Variants in PIK3CD observed in about 807,000 individuals in gnomAD.
PIK3CD encodes the protein phosphatidylinositol 4,5-bisphosphate 3-kinase catalytic subunit delta isoform.
In PIK3CD, 20 loss-of-function variants were observed where a neutral mutation model predicts 122.9. That is an observed-to-expected ratio of 0.16 (90% CI 0.11 to 0.24). PIK3CD has a LOEUF of 0.24. PIK3CD is among the 10% of genes least tolerant of loss of function. PIK3CD has a pLI of 1.00. For missense variants in PIK3CD, 787 were observed against 1,406.3 expected, an observed-to-expected ratio of 0.56 and a Z score of 7.04; for synonymous variants, 596 against 593.4, an observed-to-expected ratio of 1.00 and a Z score of -0.06.
chr1:9,716,163 G>GC, intron 5 of PIK3CD, 85 bp downstream of exon 5: 2 of 1,154,038 alleles, frequency 1.7e-6, no homozygotes, highest in East Asian at 2.5e-5. Context: ...TCATCCGCAA[G>GC]CCCCCCTCCC....
Position 9,724,844 on chromosome 1 carries a change from C to T in PIK3CD, c.2905C>T (p.Arg969Cys), listed in dbSNP as rs551657853. ...TGAAAGGGCCTACACCATCCTGCGG[C>T]GCCACGGGCTTCTCTTCCTCCACCT... ...YCERAYTILRRHGLLFLHLFA... is the reference protein window; with the variant it reads ...YCERAYTILRCHGLLFLHLFA... Residue 969 changes from arginine to cysteine, a missense_variant, in exon 23 of 24, where the codon CGC (arginine) becomes TGC (cysteine). By Grantham distance (180) the Arg-to-Cys change is radical (BLOSUM62 -3). Coordinates refer to ENST00000377346, the MANE Select transcript of PIK3CD (RefSeq NM_005026.5). This position sits in a 1 kb window ranked among gnomAD's most constrained non-coding sequence, Gnocchi z 7.3. 2.0e-5 allele frequency: 32 copies of T among 1,613,882 alleles called. No homozygotes were observed. The highest frequency in any genetic ancestry group is 3.3e-5 in the Admixed American group (2 of 60,028).
chr1:9,634,541 T>C, the PIK3CD span, among the ~76,000 whole-genome samples: 3 of 151,756 alleles, frequency 2.0e-5, no homozygotes, highest in Non-Finnish European at 4.4e-5. Context: ...TCAAGTGATC[T>C]GCCCGCCTTG....
chr1:9,724,182 A>C lies in PIK3CD; in HGVS notation c.2718+90A>C. On this transcript the variant is annotated intron_variant, in intron 21 of 23. Transcript: ENST00000377346. The surrounding 1 kb of genome is among the most constrained non-coding windows in gnomAD (Gnocchi z 7.3). Reference sequence around the variant, plus strand: ...TCTGCCTAGCACACAGCTCTGTGGCAGGGGTCCCCCAGCCCTGCTGGCTTC... The same window carrying C: ...TCTGCCTAGCACACAGCTCTGTGGCCGGGGTCCCCCAGCCCTGCTGGCTTC... 1 of 1,613,082 alleles carries C rather than the reference A, an allele frequency of 6.2e-7. No individual in the cohort carries two copies. Among genetic ancestry groups the C allele is most frequent in the East Asian group, 2.2e-5 (1 of 44,842 alleles).
chr1:9,646,599 G>A, the PIK3CD span, among the ~76,000 whole-genome samples: 1 of 152,294 alleles, frequency 6.6e-6, no homozygotes, highest in Non-Finnish European at 1.5e-5. Context: ...TGGTGTCTCC[G>A]AGCTGATAAG....
chr1:9,726,823 G>C, intron 23 of PIK3CD, 86 bp from the exon 24 acceptor site: 2 of 1,536,436 alleles, frequency 1.3e-6, no homozygotes, highest in South Asian at 1.1e-5. Flanking sequence ...ATTTCATTCA[G>C]TGACTCTGAA....
Position 9,718,680 on chromosome 1 carries a change from G to C in PIK3CD, c.1021-14G>C. The C allele has an allele frequency of 1.3e-6, 2 of 1,599,838 alleles. No homozygotes were observed. The highest frequency in any genetic ancestry group is 1.7e-6 in the Non-Finnish European group (2 of 1,178,308). ...CCTCTGCCTCCTCACCCATCATCCCGGCACCTTCTACAGCTGGTGGTGCAG... is the reference window on the plus strand; with the variant it reads ...CCTCTGCCTCCTCACCCATCATCCCCGCACCTTCTACAGCTGGTGGTGCAG... On this transcript the variant is annotated splice_polypyrimidine_tract_variant and intron_variant, in intron 8 of 23. Transcript: ENST00000377346. This position sits in a 1 kb window ranked among gnomAD's most constrained non-coding sequence, Gnocchi z 7.2.
At chr1:9,671,595 T>C (rs1323804685) in intron 1 of PIK3CD, among the ~76,000 whole-genome samples, 1 of 152,158 alleles carries the variant, frequency 6.6e-6, no homozygotes, top group Non-Finnish European at 1.5e-5. Flanking sequence ...TTCCCATGAA[T>C]GACTCAGATG....
chr1:9,656,942 CAAAAA>C (rs56008596), intron 1 of PIK3CD, among the ~76,000 whole-genome samples: 36,286 of 115,212 alleles, frequency 0.31, 5,299 homozygotes, highest in East Asian at 0.66. Flanking sequence ...GACTCCATCT[CAAAAA>C]AAAAAAAAAA....
chr1:9,692,508 C>T (rs987959427), intron 2 of PIK3CD, among the ~76,000 whole-genome samples: 6 of 151,994 alleles, frequency 3.9e-5, no homozygotes, highest in Admixed American at 1.3e-4. Flanking sequence ...GGGCGAATCA[C>T]GAGGTCAGGA....
chr1:9,717,776 G>T lies in PIK3CD; in HGVS notation c.1020+150G>T, dbSNP rs1647763480. 6.4e-6 allele frequency: 5 copies of T among 781,042 alleles called. No individual in the cohort carries two copies. The highest frequency in any genetic ancestry group is 1.1e-5 in the Non-Finnish European group (5 of 466,870). 48.4% of individuals were successfully genotyped at this position (781,042 alleles called of 1,614,324 possible). A position where few individuals can be genotyped will look rare whatever the true frequency, so the allele number is the denominator to read the frequency against. ...ATCCCTGCCTGGGGCGCTGTGAGCG[G>T]CTTGAAAACAGGAAGTGGGGAGGGG... On this transcript the variant is annotated intron_variant, in intron 8 of 23. Coordinates refer to ENST00000377346, the MANE Select transcript of PIK3CD (RefSeq NM_005026.5). The surrounding 1 kb of genome is among the most constrained non-coding windows in gnomAD (Gnocchi z 5.4).
chr1:9,720,289 T>A lies in PIK3CD; in HGVS notation c.1470+47T>A. The A allele has an allele frequency of 6.3e-7, 1 of 1,577,192 alleles. No individual in the cohort carries two copies. The highest frequency in any genetic ancestry group is 1.1e-5 in the South Asian group (1 of 87,258). On this transcript the variant is annotated intron_variant, in intron 11 of 23. Coordinates refer to ENST00000377346, the MANE Select transcript of PIK3CD (RefSeq NM_005026.5). The surrounding 1 kb of genome is among the most constrained non-coding windows in gnomAD (Gnocchi z 9.0). ...TGAGGCTGAGGGGCTGGCGCGGAGC[T>A]CTCCTGGCCCTGCTCCTGGAGCTCT...
At chr1:9,658,860 C>G (rs1323779897) in intron 1 of PIK3CD, among the ~76,000 whole-genome samples, 1 of 152,126 alleles carries the variant, frequency 6.6e-6, no homozygotes, top group Non-Finnish European at 1.5e-5. Flanking sequence ...CTTAACCCAT[C>G]AGAACCTCAG....
intron 2 of PIK3CD, among the ~76,000 whole-genome samples, chr1:9,706,050 ATT>A (rs140912843): frequency 3.5e-5 from 3 of 85,198 alleles, no homozygotes; most frequent in African/African-American, 4.8e-5. Context: ...ATTTATTGGA[ATT>A]TTTTTTTTTT....
intron 2 of PIK3CD, among the ~76,000 whole-genome samples, chr1:9,703,526 G>T (rs1646725039): frequency 6.6e-6 from 1 of 152,154 alleles, no homozygotes; most frequent in Non-Finnish European, 1.5e-5. Flanking sequence ...CCCAAACCTG[G>T]GGTAACCCCT....
chr1:9,636,524 A>G, the PIK3CD span, among the ~76,000 whole-genome samples: 1 of 152,122 alleles, frequency 6.6e-6, no homozygotes, highest in African/African-American at 2.4e-5. Flanking sequence ...GGAAGACACC[A>G]TCAGTTCCCA....
chr1:9,721,254 T>G lies in PIK3CD; in HGVS notation c.1811+6T>G. 6.2e-6 allele frequency: 10 copies of G among 1,613,158 alleles called. No homozygotes were observed. Among genetic ancestry groups the G allele is most frequent in the Non-Finnish European group, 8.5e-6 (10 of 1,179,982 alleles). Reference sequence around the variant, plus strand: ...AAGTCGCTGCGGAAACTGACGTGAGTCCCAGCTGGGCGCTCCCCACTTCTC... The same window carrying G: ...AAGTCGCTGCGGAAACTGACGTGAGGCCCAGCTGGGCGCTCCCCACTTCTC... On this transcript the variant is annotated splice_donor_region_variant and intron_variant, in intron 14 of 23. Transcript: ENST00000377346.
At position 9,720,639 on chromosome 1, in the gene PIK3CD, G is replaced by A. The variant is rs148463269; in HGVS notation, c.1499G>A (p.Cys500Tyr). The A allele has an allele frequency of 2.0e-6, 3 of 1,535,584 alleles. No homozygotes were observed. The highest frequency in any genetic ancestry group is 2.0e-5 in the Admixed American group (1 of 50,294). ...TTGGAGCTGGGGCGACACAGCGAGT[G>A]TGTGCATGTCACCGAGGAGGAGGTG... is the stretch of plus-strand genomic sequence containing the variant. ...KILELGRHSE[C>Y]VHVTEEEQLQ... is the part of the protein sequence containing the mutation. The change falls in exon 12 of 24, where the codon TGT becomes TAT. Residue 500 changes from cysteine (C) to tyrosine (Y), a missense_variant. By Grantham distance (194) the Cys-to-Tyr change is radical. This residue lies in a region of PIK3CD where 592 missense variants were observed against 920.6 expected (regional missense o/e 0.64). Coordinates refer to ENST00000377346, the MANE Select transcript of PIK3CD (RefSeq NM_005026.5). This position sits in a 1 kb window ranked among gnomAD's most constrained non-coding sequence, Gnocchi z 9.0.
intron 1 of PIK3CD, among the ~76,000 whole-genome samples, chr1:9,660,164 G>A (rs937152029): frequency 2.6e-4 from 39 of 152,310 alleles, no homozygotes; most frequent in African/African-American, 8.4e-4. Context: ...CTGCTCGCTC[G>A]GCCTCCCAAA....
rs918946890 is a variant in PIK3CD at position 9,729,055 on chromosome 1, G to C, written c.*2009G>C. ...TTAGAACCAGAACTTTATTGTAGCGGATACACTTTCTGACCTATCATGAGT... is the reference window on the plus strand; with the variant it reads ...TTAGAACCAGAACTTTATTGTAGCGCATACACTTTCTGACCTATCATGAGT... On this transcript the variant is annotated 3_prime_UTR_variant, in exon 24 of 24. Coordinates refer to ENST00000377346, the MANE Select transcript of PIK3CD (RefSeq NM_005026.5). The C allele has an allele frequency of 6.6e-6, 1 of 152,234 alleles. No individual in the cohort carries two copies. Among genetic ancestry groups the C allele is most frequent in the Non-Finnish European group, 1.5e-5 (1 of 68,054 alleles). 9.4% of individuals were successfully genotyped at this position (152,234 alleles called of 1,614,324 possible).
Sources: allele counts gnomAD v4.1 joint callset (sites outside exome capture counted in the v4.1 genomes callset), GRCh38; gene constraint gnomAD v4.1.1; regional missense constraint gnomAD v4.1.1; non-coding constraint Gnocchi (gnomAD v3.1); transcripts MANE v1.5; gene names NCBI Gene and HGNC (gene_info 2026-07-23, HGNC 2026-07-21).